IL1RN: variants seen among roughly 807,000 people sequenced by gnomAD.
IL1RN encodes the protein interleukin-1 receptor antagonist protein.
A neutral mutation model predicts 13.7 loss-of-function variants in IL1RN; 10 were observed. That is an observed-to-expected ratio of 0.73 (90% CI 0.45 to 1.24). IL1RN has a LOEUF of 1.24. Ranked by LOEUF, IL1RN falls within the 50% of genes most tolerant of loss-of-function variation. The pLI is 0.00. For missense variants in IL1RN, 213 were observed against 222.1 expected (o/e 0.96, Z 0.26); for synonymous variants, 102 against 82.7 (o/e 1.23, Z -1.27).
chr2:113,129,505 C>T (rs539841324), intron 1 of IL1RN, 71 bp from the exon 2 acceptor site: 2 of 944,348 alleles, frequency 2.1e-6, no homozygotes, highest in Non-Finnish European at 3.5e-6. Flanking sequence ...CTGGGGGACA[C>T]AGGAAGGTGC....
At chr2:113,116,627 C>T (rs1686600536), upstream of IL1RN, among the ~76,000 whole-genome samples, 2 of 152,160 alleles carry the variant, frequency 1.3e-5, no homozygotes, top group South Asian at 4.1e-4. Context: ...AGGCCCTTAC[C>T]AGATCCCTGT....
rs1022748861 is a variant in IL1RN, at chr2:113,129,615, C to T, written c.156C>T (p.Asn52=). 3.7e-6 allele frequency: 6 copies of T among 1,613,222 alleles called. No individual in the cohort carries two copies. Among genetic ancestry groups the T allele is most frequent in the African/African-American group, 2.7e-5 (2 of 74,922 alleles). Residue 52 remains asparagine, a synonymous_variant, in exon 2 of 4, where the codon AAC becomes AAT. Transcript: ENST00000409930. ...DVNQKTFYLR[N]NQLVAGYLQG... Reference sequence around the variant, plus strand: ...ACCAGAAGACCTTCTATCTGAGGAACAACCAACTAGTTGCTGGATACTTGC... The same window carrying T: ...ACCAGAAGACCTTCTATCTGAGGAATAACCAACTAGTTGCTGGATACTTGC...
intron 2 of IL1RN, chr2:113,120,139 T>G (rs1281947329): frequency 1.9e-6 from 3 of 1,604,536 alleles, no homozygotes; most frequent in Non-Finnish European, 2.6e-6. Flanking sequence ...GTAAATTATT[T>G]TTAGGATCCA....
chr2:113,108,226 CTCTTA>C (rs541742148), upstream of IL1RN, among the ~76,000 whole-genome samples: 416 of 151,476 alleles, frequency 2.7e-3, 2 homozygotes, highest in Non-Finnish European at 4.7e-3. Context: ...TCGAGTCCTT[CTCTTA>C]TCTTTTTTTT....
chr2:113,106,686 T>C (rs185212759), upstream of IL1RN, among the ~76,000 whole-genome samples: 213 of 152,340 alleles, frequency 1.4e-3, 1 homozygote, highest in African/African-American at 5.0e-3. Context: ...CTGACCTCAC[T>C]GCTCAAACTT....
At chr2:113,111,612 A>C (rs1333604937) in intron 1 of IL1RN, among the ~76,000 whole-genome samples, 15 of 152,228 alleles carry the variant, frequency 9.9e-5, no homozygotes, top group Non-Finnish European at 2.2e-4. Context: ...CAGTGTGGGT[A>C]TATAAAGGCC....
chr2:113,112,416 G>A (rs1323548360), intron 1 of IL1RN, among the ~76,000 whole-genome samples: 2 of 152,092 alleles, frequency 1.3e-5, no homozygotes, highest in Non-Finnish European at 2.9e-5. Context: ...CCGCCAGAAT[G>A]CCACCTCAAG....
intron 2 of IL1RN, chr2:113,121,411 A>T (rs1573291286): frequency 1.0e-6 from 1 of 973,482 alleles, no homozygotes; most frequent in African/African-American, 1.8e-5. Flanking sequence ...CCCCTTCCCC[A>T]TGGTGTCTGT....
At chr2:113,099,728 CTTTTTTTT>C in the IL1RN span, among the ~76,000 whole-genome samples, 1 of 41,472 alleles carries the variant, frequency 2.4e-5, no homozygotes, top group Non-Finnish European at 3.9e-5. Context: ...TCTTTCTTTT[CTTTTTTTT>C]TTTTTTTTTT....
the IL1RN span, among the ~76,000 whole-genome samples, chr2:113,101,828 C>T: frequency 3.9e-5 from 6 of 152,176 alleles, no homozygotes; most frequent in East Asian, 5.8e-4. Context: ...AGTGCAATGG[C>T]GTGATCTTGG....
chr2:113,131,227 A>G (rs913945889), intron 3 of IL1RN, 70 bp downstream of exon 3: 1 of 932,386 alleles, frequency 1.1e-6, no homozygotes, highest in African/African-American at 1.6e-5. Flanking sequence ...ATTTTTTCTT[A>G]TGATTCTGTG....
chr2:113,111,760 CT>C (rs2104424650), intron 1 of IL1RN, among the ~76,000 whole-genome samples: 1 of 152,388 alleles, frequency 6.6e-6, no homozygotes, highest in East Asian at 1.9e-4. Context: ...CATTAAATGC[CT>C]CACATGATAA....
intron 3 of IL1RN, 49 bp from the exon 4 acceptor site, chr2:113,132,607 C>T (rs779760557): frequency 4.5e-6 from 7 of 1,538,846 alleles, no homozygotes; most frequent in Middle Eastern, 1.7e-4. Flanking sequence ...GGAGGCAGCA[C>T]AGGACTTCCT....
the IL1RN span, among the ~76,000 whole-genome samples, chr2:113,099,980 C>T: frequency 2.0e-3 from 279 of 139,494 alleles, no homozygotes; most frequent in African/African-American, 7.1e-3. Context: ...GTGATCCGCC[C>T]GCCTCGGCCT....
upstream of IL1RN, among the ~76,000 whole-genome samples, chr2:113,103,607 T>A (rs1284035234): frequency 6.6e-6 from 1 of 152,230 alleles, no homozygotes. Context: ...CAGTGTCACC[T>A]CTGTCAGACT....
intron 2 of IL1RN, chr2:113,121,370 C>A (rs1039666131): frequency 1.3e-6 from 1 of 776,546 alleles, no homozygotes; most frequent in African/African-American, 1.9e-5. Flanking sequence ...AACACAGAGC[C>A]TAAACTATAA....
chr2:113,116,099 C>A (rs1288668167), upstream of IL1RN, among the ~76,000 whole-genome samples: 3 of 152,236 alleles, frequency 2.0e-5, no homozygotes, highest in African/African-American at 7.2e-5. Flanking sequence ...ATCTTACTCT[C>A]ATTTTATAGA....
chr2:113,111,109 T>C (rs1481380450), upstream of IL1RN: 1 of 152,266 alleles, frequency 6.6e-6, no homozygotes, highest in African/African-American at 2.4e-5. Flanking sequence ...TTCTTACATT[T>C]GTCTAGGAAT....
At chr2:113,103,819 A>C (rs13394316), upstream of IL1RN, among the ~76,000 whole-genome samples, 83,440 of 151,310 alleles carry the variant, frequency 0.55, 24,283 homozygotes, top group African/African-American at 0.76. Context: ...TCTGGGTGTC[A>C]TATGAATATT....
Sources: allele counts gnomAD v4.1 joint callset (sites outside exome capture counted in the v4.1 genomes callset), GRCh38; gene constraint gnomAD v4.1.1; transcripts MANE v1.5; gene names NCBI Gene and HGNC (gene_info 2026-07-23, HGNC 2026-07-21).